Variants in GALNT16 observed in about 807,000 individuals in gnomAD.
The protein encoded by GALNT16 is polypeptide N-acetylgalactosaminyltransferase 16, also known as UDP-GalNAc:polypeptide N-acetylgalactosaminyltransferase-like protein 1.
GALNT16 carries 40 observed loss-of-function variants against 76.1 expected under a neutral mutation model. The ratio of observed to expected loss-of-function variants is 0.53; its 90% CI spans 0.41 to 0.68. The LOEUF (loss-of-function observed/expected upper bound fraction) is 0.68. Among genes scored for constraint, GALNT16 ranks in the 30% least tolerant of loss-of-function variants. The pLI is 0.00. For synonymous variants in GALNT16, 276 were observed against 285.2 expected (o/e 0.97, Z 0.32); for missense variants, 621 against 731.9 (o/e 0.85, Z 1.75).
chr14:69,287,822 TG>T (rs2044634175), intron 1 of GALNT16, among the ~76,000 whole-genome samples: 1 of 152,176 alleles, frequency 6.6e-6, no homozygotes, highest in South Asian at 2.1e-4. Flanking sequence ...CAGCTGCCTC[TG>T]AGTGAGATAC....
At position 69,261,091 on chromosome 14, in the gene GALNT16, C is replaced by T. The variant is rs2044264144; in HGVS notation, c.177+624C>T. Reference sequence around the variant, plus strand: ...CACTGTACGCGTCTCTCACTCCCAACCTTAGGGTCCGCCACCACGGGTAGG... The same window carrying T: ...CACTGTACGCGTCTCTCACTCCCAATCTTAGGGTCCGCCACCACGGGTAGG... On this transcript the variant is annotated intron_variant, in intron 1 of 14. Coordinates refer to ENST00000448469, the MANE Select transcript of GALNT16 (RefSeq NM_001168368.2). This position sits in a 1 kb window ranked among gnomAD's most constrained non-coding sequence, Gnocchi z 6.4. Among the ~76,000 whole-genome samples the T allele has an allele frequency of 6.6e-6, 1 of 152,238 alleles. No homozygotes were observed. The highest frequency in any genetic ancestry group is 1.5e-5 in the Non-Finnish European group (1 of 68,044).
downstream of GALNT16, among the ~76,000 whole-genome samples, chr14:69,361,470 CT>C (rs1373464169): frequency 2.8e-4 from 43 of 152,156 alleles, no homozygotes; most frequent in Non-Finnish European, 2.4e-4. Context: ...CTTGCTGCTC[CT>C]TATTGCCTTT....
intron 1 of GALNT16, among the ~76,000 whole-genome samples, chr14:69,304,757 A>G (rs1046352069): frequency 6.6e-6 from 1 of 152,228 alleles, no homozygotes; most frequent in African/African-American, 2.4e-5. Context: ...TTCACTTGGC[A>G]TAATGTCCCC....
chr14:69,305,430 T>C (rs2044919514), intron 1 of GALNT16, among the ~76,000 whole-genome samples: 1 of 152,200 alleles, frequency 6.6e-6, no homozygotes. Context: ...ACCAAAGTGC[T>C]GGGATTATAG....
intron 1 of GALNT16, among the ~76,000 whole-genome samples, chr14:69,285,968 C>A (rs2044605930): frequency 6.6e-6 from 1 of 152,168 alleles, no homozygotes; most frequent in Non-Finnish European, 1.5e-5. Flanking sequence ...CCCAGTGCAA[C>A]CAGTTTCCCA....
chr14:69,377,161 TTG>T, the GALNT16 span, among the ~76,000 whole-genome samples: 1 of 152,212 alleles, frequency 6.6e-6, no homozygotes, highest in Non-Finnish European at 1.5e-5. Context: ...TCTTCAGGTC[TTG>T]TGAATCCAAA....
rs747094920 is a variant in GALNT16 at position 69,328,528 on chromosome 14, T to G, written c.647T>G (p.Val216Gly). Reference sequence around the variant, plus strand: ...ACCTTTCTGGATAGCCACTGCGAAGTGAACACCGAGTGGCTGCCGCCCATG... The same window carrying G: ...ACCTTTCTGGATAGCCACTGCGAAGGGAACACCGAGTGGCTGCCGCCCATG... ...VLTFLDSHCE[V>G]NTEWLPPMLQ... Residue 216 changes from valine (V) to glycine (G), a missense_variant, in exon 6 of 15, where the codon GTG becomes GGG. By Grantham distance (109) the Val-to-Gly change is moderately radical. Coordinates refer to ENST00000448469, the MANE Select transcript of GALNT16 (RefSeq NM_001168368.2). 6.2e-7 allele frequency: 1 copy of G among 1,613,984 alleles called. No homozygotes were observed. Among genetic ancestry groups the G allele is most frequent in the East Asian group, 2.2e-5 (1 of 44,856 alleles).
In GALNT16 at chr14:69,292,728, T is replaced by G. The variant is rs149829975; in HGVS notation, c.178-27983T>G. 6.3e-4 allele frequency among the ~76,000 whole-genome samples: 96 copies of G among 152,350 alleles called. 1 individual carries two copies. The highest frequency in any genetic ancestry group is 2.2e-3 in the African/African-American group (90 of 41,582). On this transcript the variant is annotated intron_variant, in intron 1 of 14. Transcript: ENST00000448469. ...GATCTACTTAAAGCACCTCATCTTT[T>G]TCTCATTAGTCTAGTGATGGTGGCT...
chr14:69,289,859 G>A (rs901728323), intron 1 of GALNT16, among the ~76,000 whole-genome samples: 3 of 151,940 alleles, frequency 2.0e-5, no homozygotes, highest in Non-Finnish European at 2.9e-5. Context: ...TCAACTTCCC[G>A]AATAGCTGGG....
the GALNT16 span, among the ~76,000 whole-genome samples, chr14:69,378,534 C>T: frequency 6.6e-6 from 1 of 152,148 alleles, no homozygotes; most frequent in African/African-American, 2.4e-5. Context: ...CACAAAAAGG[C>T]TACTTTAGGC....
intron 1 of GALNT16, among the ~76,000 whole-genome samples, chr14:69,280,360 T>A (rs1313142052): frequency 2.0e-5 from 3 of 152,256 alleles, no homozygotes; most frequent in Non-Finnish European, 2.9e-5. Flanking sequence ...TGTTGTAGCA[T>A]GTGTCAGAAT....
the GALNT16 span, among the ~76,000 whole-genome samples, chr14:69,378,131 A>G: frequency 6.6e-6 from 1 of 152,228 alleles, no homozygotes; most frequent in South Asian, 2.1e-4. Context: ...GTTAAGACAC[A>G]TAACCTGTTT....
At chr14:69,342,888 C>T (rs980694542) in intron 12 of GALNT16, among the ~76,000 whole-genome samples, 4 of 152,250 alleles carry the variant, frequency 2.6e-5, no homozygotes, top group South Asian at 2.1e-4. Context: ...TTTGCAGCTC[C>T]GCCTCCCTCC....
chr14:69,324,801 C>T lies in GALNT16; in HGVS notation c.434+11C>T. On this transcript the variant is annotated intron_variant, in intron 3 of 14. Coordinates refer to ENST00000448469, the MANE Select transcript of GALNT16 (RefSeq NM_001168368.2). ...GCGCACAGTGAAGAGGTAAGTCCAG[C>T]CATGGGACTCTCATCTCAGTGGTGC... 1.9e-6 allele frequency: 3 copies of T among 1,548,890 alleles called. No homozygotes were observed. The highest frequency in any genetic ancestry group is 1.8e-6 in the Non-Finnish European group (2 of 1,131,890).
At chr14:69,318,335 G>A (rs956863735) in intron 1 of GALNT16, among the ~76,000 whole-genome samples, 1 of 152,198 alleles carries the variant, frequency 6.6e-6, no homozygotes, top group Non-Finnish European at 1.5e-5. Context: ...GGCCTGAGCA[G>A]ACATTCTTCC....
At chr14:69,296,553 C>T (rs975955906) in intron 1 of GALNT16, among the ~76,000 whole-genome samples, 1 of 152,044 alleles carries the variant, frequency 6.6e-6, no homozygotes, top group Admixed American at 6.6e-5. Context: ...ATTAGCCTGG[C>T]ATGGTGGCAC....
At chr14:69,281,846 T>G (rs1356177614) in intron 1 of GALNT16, among the ~76,000 whole-genome samples, 1 of 152,094 alleles carries the variant, frequency 6.6e-6, no homozygotes, top group African/African-American at 2.4e-5. Context: ...CGAGGGTGGG[T>G]GCTGGGTAGG....
intron 4 of GALNT16, among the ~76,000 whole-genome samples, chr14:69,325,615 C>A (rs1351386566): frequency 2.0e-5 from 3 of 152,170 alleles, no homozygotes; most frequent in Non-Finnish European, 2.9e-5. Flanking sequence ...TTGGATGGGA[C>A]TCTAGTGAGA....
At chr14:69,373,066 G>A in the GALNT16 span, among the ~76,000 whole-genome samples, 1 of 152,150 alleles carries the variant, frequency 6.6e-6, no homozygotes, top group Middle Eastern at 3.2e-3. Context: ...AATGGCCAGG[G>A]GCATTGCAGG....
Sources: allele counts gnomAD v4.1 joint callset (sites outside exome capture counted in the v4.1 genomes callset), GRCh38; gene constraint gnomAD v4.1.1; non-coding constraint Gnocchi (gnomAD v3.1); transcripts MANE v1.5; gene names NCBI Gene and HGNC (gene_info 2026-07-23, HGNC 2026-07-21).